FBN1: variants seen among roughly 807,000 people sequenced by gnomAD.
The protein encoded by FBN1 is fibrillin 1.
Under a neutral mutation model 365.1 loss-of-function variants are expected in FBN1, and 29 were observed. That is an observed-to-expected ratio of 0.08 (90% CI 0.06 to 0.11). The LOEUF is 0.11. Among genes scored for constraint, FBN1 ranks in the 10% least tolerant of loss-of-function variants. The pLI, the probability that FBN1 is intolerant of heterozygous loss-of-function variation, is 1.00. For synonymous variants in FBN1, 1,210 were observed against 1,270.5 expected (o/e 0.95, Z 1.01); for missense variants, 2,476 against 3,703.2 (o/e 0.67, Z 8.60).
chr15:48,600,508 A>T (rs1309786269), intron 4 of FBN1, among the ~76,000 whole-genome samples: 1 of 152,208 alleles, frequency 6.6e-6, no homozygotes, highest in African/African-American at 2.4e-5. Context: ...GTTTGAGACC[A>T]GCCTGGCCAA....
intron 6 of FBN1, among the ~76,000 whole-genome samples, chr15:48,539,264 GC>G (rs2044038256): frequency 6.6e-6 from 1 of 152,110 alleles, no homozygotes. Flanking sequence ...TGCAGAAACA[GC>G]ACTGCTCTGA....
In FBN1 at chr15:48,474,390, G is replaced by C; in HGVS notation, c.4088-13C>G. The C allele has an allele frequency of 6.2e-7, 1 of 1,613,864 alleles. No homozygotes were observed. The highest frequency in any genetic ancestry group is 8.5e-7 in the Non-Finnish European group (1 of 1,179,950). On this transcript the variant is annotated splice_polypyrimidine_tract_variant and intron_variant, in intron 33 of 65. Coordinates refer to ENST00000316623, the MANE Select transcript of FBN1 (RefSeq NM_000138.5). ...CATTCGTCCAGATCTTATAGAAAAA[G>C]GTTATATCATTATTAACAGAAAGGG...
At position 48,490,056 on chromosome 15, in the gene FBN1, G is replaced by A; in HGVS notation, c.2877C>T (p.Phe959=). The A allele has an allele frequency of 6.2e-7, 1 of 1,614,156 alleles. No individual in the cohort carries two copies. Among genetic ancestry groups the A allele is most frequent in the African/African-American group, 1.3e-5 (1 of 75,032 alleles). ...TGCACTCCTCGTCCTCGTACCTCAGGAAGCAGGTTTCCAGGCGGATATCTG... is the reference window on the plus strand; with the variant it reads ...TGCACTCCTCGTCCTCGTACCTCAGAAAGCAGGTTTCCAGGCGGATATCTG... ...ICLDIRLETC[F]LRYEDEECTL... Residue 959 remains phenylalanine, a synonymous_variant, in exon 25 of 66, where the codon TTC becomes TTT. Coordinates refer to ENST00000316623, the MANE Select transcript of FBN1 (RefSeq NM_000138.5).
At chr15:48,559,404 C>G (rs576255856) in intron 6 of FBN1, among the ~76,000 whole-genome samples, 4 of 152,268 alleles carry the variant, frequency 2.6e-5, no homozygotes, top group African/African-American at 9.6e-5. Context: ...TGGATTCCCC[C>G]AGACTGAAAC....
intron 56 of FBN1, among the ~76,000 whole-genome samples, chr15:48,428,872 A>T (rs1471994281): frequency 6.6e-6 from 1 of 152,338 alleles, no homozygotes. Flanking sequence ...GTACAAAAGG[A>T]GATTCAGCAA....
chr15:48,517,039 G>C (rs2141332015), intron 10 of FBN1, among the ~76,000 whole-genome samples: 1 of 152,292 alleles, frequency 6.6e-6, no homozygotes, highest in Non-Finnish European at 1.5e-5. Flanking sequence ...AAGAAGTCAA[G>C]AATGACTCCT....
intron 2 of FBN1, among the ~76,000 whole-genome samples, chr15:48,617,206 G>A (rs190708428): frequency 4.0e-5 from 6 of 151,630 alleles, no homozygotes; most frequent in East Asian, 3.9e-4. Flanking sequence ...ATGGAGTCTC[G>A]CTCTGTCGCC....
intron 9 of FBN1, among the ~76,000 whole-genome samples, chr15:48,524,111 C>T (rs904835091): frequency 1.3e-5 from 2 of 152,080 alleles, no homozygotes; most frequent in Non-Finnish European, 2.9e-5. Context: ...CTTTATGACT[C>T]CTAGGAGTCG....
At chr15:48,570,655 A>G (rs1164044010) in intron 6 of FBN1, among the ~76,000 whole-genome samples, 1 of 152,206 alleles carries the variant, frequency 6.6e-6, no homozygotes, top group Non-Finnish European at 1.5e-5. Flanking sequence ...TAAACTGGAA[A>G]AGTCAATTCT....
chr15:48,543,401 A>C (rs897768775), intron 6 of FBN1, among the ~76,000 whole-genome samples: 3 of 152,232 alleles, frequency 2.0e-5, no homozygotes, highest in African/African-American at 7.2e-5. Context: ...CTCTTGATTC[A>C]TTCCAGAATT....
intron 45 of FBN1, among the ~76,000 whole-genome samples, chr15:48,449,345 G>C (rs1047244243): frequency 2.0e-5 from 3 of 152,126 alleles, no homozygotes; most frequent in Non-Finnish European, 4.4e-5. Flanking sequence ...TTTCTTGATG[G>C]ACAACCTACA....
At chr15:48,631,985 T>C (rs1889997529) in intron 2 of FBN1, among the ~76,000 whole-genome samples, 1 of 152,218 alleles carries the variant, frequency 6.6e-6, no homozygotes, top group Admixed American at 6.5e-5. Context: ...CAAGGCCTAT[T>C]TGACAGATCT....
At chr15:48,460,481 G>C (rs928979628) in intron 42 of FBN1, among the ~76,000 whole-genome samples, 164 bp from the exon 43 acceptor site, 1 of 152,166 alleles carries the variant, frequency 6.6e-6, no homozygotes, top group Non-Finnish European at 1.5e-5. Flanking sequence ...ATATAATCTT[G>C]CCTGTAAGAC....
At chr15:48,569,540 C>G (rs558396544) in intron 6 of FBN1, among the ~76,000 whole-genome samples, 2 of 152,198 alleles carry the variant, frequency 1.3e-5, no homozygotes, top group Admixed American at 1.3e-4. Context: ...CAATATTATT[C>G]ATAATAGCCC....
At chr15:48,576,025 A>G (rs1029620231) in intron 6 of FBN1, among the ~76,000 whole-genome samples, 1 of 152,176 alleles carries the variant, frequency 6.6e-6, no homozygotes, top group African/African-American at 2.4e-5. Context: ...GAGCAAGAGG[A>G]CCAAAACTCA....
chr15:48,482,468 C>G (rs1760012008), intron 31 of FBN1, among the ~76,000 whole-genome samples: 1 of 152,066 alleles, frequency 6.6e-6, no homozygotes, highest in South Asian at 2.1e-4. Context: ...AGACAGTGAT[C>G]CCTGAGAGAA....
intron 6 of FBN1, among the ~76,000 whole-genome samples, chr15:48,581,891 C>A (rs2044395037): frequency 6.6e-6 from 1 of 152,106 alleles, no homozygotes; most frequent in Non-Finnish European, 1.5e-5. Flanking sequence ...TTCCTAGACA[C>A]CTGCCTTAGA....
At chr15:48,542,776 CT>C (rs2044066667) in intron 6 of FBN1, among the ~76,000 whole-genome samples, 1 of 121,406 alleles carries the variant, frequency 8.2e-6, no homozygotes, top group East Asian at 2.9e-4. Flanking sequence ...CTCTAGGACT[CT>C]AAGATGTGTG....
intron 6 of FBN1, among the ~76,000 whole-genome samples, chr15:48,579,588 A>G (rs571335088): frequency 3.9e-5 from 6 of 152,308 alleles, no homozygotes; most frequent in East Asian, 1.9e-4. Flanking sequence ...AATAATGAGG[A>G]GAACATTTCT....
Sources: allele counts gnomAD v4.1 joint callset (sites outside exome capture counted in the v4.1 genomes callset), GRCh38; gene constraint gnomAD v4.1.1; transcripts MANE v1.5; gene names NCBI Gene and HGNC (gene_info 2026-07-23, HGNC 2026-07-21).